The following HDGF variants were observed in gnomAD, a reference collection of about 807,000 sequenced individuals.
HDGF encodes the protein heparin binding growth factor.
HDGF carries 5 observed loss-of-function variants against 30.0 expected under a neutral mutation model. The ratio of observed to expected loss-of-function variants is 0.17; its 90% CI spans 0.09 to 0.35. The LOEUF is 0.35. HDGF is among the 10% of genes least tolerant of loss of function. The pLI, the probability that HDGF is intolerant of heterozygous loss-of-function variation, is 1.00. For missense variants in HDGF, 214 were observed against 302.8 expected (o/e 0.71, Z 2.18); for synonymous variants, 133 against 112.7 (o/e 1.18, Z -1.14).
chr1:156,745,467 CAG>C (rs1309031474), intron 1 of HDGF, 94 bp from the exon 2 acceptor site: 40 of 1,061,470 alleles, frequency 3.8e-5, no homozygotes, highest in Non-Finnish European at 5.4e-5. Context: ...TATATAAAAT[CAG>C]ACTGAGAGGG....
At position 156,743,735 on chromosome 1, in the gene HDGF, G is replaced by C. The variant is rs140433635; in HGVS notation, c.633C>G (p.Pro211=). Residue 211 remains proline (P), a synonymous_variant, in exon 5 of 6, where the codon CCC becomes CCG. Coordinates refer to ENST00000357325, the MANE Select transcript of HDGF (RefSeq NM_004494.3). Reference sequence around the variant, plus strand: ...CATCCTCCTCCTCTTCTTCCTCTTGGGGAGGCCCCCGGCCAGAGCCGGGCT... The same window carrying C: ...CATCCTCCTCCTCTTCTTCCTCTTGCGGAGGCCCCCGGCCAGAGCCGGGCT... ...PSEPGSGRGP[P]QEEEEEEDEE... is the part of the protein sequence containing the mutation. 6 of 1,602,172 alleles carry C rather than the reference G, an allele frequency of 3.7e-6. No individual in the cohort carries two copies. Among genetic ancestry groups the C allele is most frequent in the Non-Finnish European group, 5.1e-6 (6 of 1,174,560 alleles).
At chr1:156,751,980 T>A, upstream of HDGF, 1 of 1,489,264 alleles carries the variant, frequency 6.7e-7, no homozygotes, top group Non-Finnish European at 9.1e-7. The surrounding 1 kb of genome is among the most constrained non-coding windows in gnomAD (Gnocchi z 4.7). Flanking sequence ...CGGGAGGAGC[T>A]GGCGCCCGGC....
At chr1:156,751,865 A>T, upstream of HDGF, 2 of 953,092 alleles carry the variant, frequency 2.1e-6, no homozygotes, top group Non-Finnish European at 2.9e-6. The surrounding 1 kb of genome is among the most constrained non-coding windows in gnomAD (Gnocchi z 4.7). Flanking sequence ...CCAACGCCCA[A>T]CCCGGAGCCG....
chr1:156,765,733 A>G (rs760301944), intron 1 of HDGF, among the ~76,000 whole-genome samples: 7 of 151,888 alleles, frequency 4.6e-5, no homozygotes, highest in Admixed American at 4.6e-4. Flanking sequence ...TCTGCCTCTC[A>G]AAGTGCTGGG....
At chr1:156,766,526 C>T (rs1651382220) in intron 1 of HDGF, among the ~76,000 whole-genome samples, 1 of 152,066 alleles carries the variant, frequency 6.6e-6, no homozygotes, top group Non-Finnish European at 1.5e-5. Flanking sequence ...AGGACTGGCG[C>T]ACAGCAGATC....
intron 1 of HDGF, among the ~76,000 whole-genome samples, chr1:156,748,498 G>C (rs1345093139): frequency 6.6e-6 from 1 of 152,152 alleles, no homozygotes; most frequent in East Asian, 1.9e-4. Context: ...AGCAATAGGG[G>C]AACTCGGCTA....
At chr1:156,748,925 G>GTCC (rs1375442295) in intron 1 of HDGF, among the ~76,000 whole-genome samples, 1 of 152,252 alleles carries the variant, frequency 6.6e-6, no homozygotes, top group Non-Finnish European at 1.5e-5. Context: ...GACGGGTGAG[G>GTCC]TCCTGGCTGC....
upstream of HDGF, among the ~76,000 whole-genome samples, chr1:156,755,935 T>C (rs1475108401): frequency 6.6e-6 from 1 of 152,190 alleles, no homozygotes; most frequent in Non-Finnish European, 1.5e-5. Flanking sequence ...GTTGTGATTA[T>C]GATTGAATGA....
At chr1:156,751,983 C>A (rs1272348601), upstream of HDGF, 8 of 1,501,742 alleles carry the variant, frequency 5.3e-6, no homozygotes, top group African/African-American at 4.2e-5. This position sits in a 1 kb window ranked among gnomAD's most constrained non-coding sequence, Gnocchi z 4.7. Flanking sequence ...GAGGAGCTGG[C>A]GCCCGGCTGG....
At chr1:156,754,202 C>T (rs1265695298), upstream of HDGF, among the ~76,000 whole-genome samples, 1 of 152,258 alleles carries the variant, frequency 6.6e-6, no homozygotes, top group Non-Finnish European at 1.5e-5. Flanking sequence ...GCGTGAGCAA[C>T]CGCGCCCGGC....
At chr1:156,756,331 C>T (rs1050859069), upstream of HDGF, among the ~76,000 whole-genome samples, 1 of 152,122 alleles carries the variant, frequency 6.6e-6, no homozygotes, top group Admixed American at 6.5e-5. Context: ...TTGGTTATCA[C>T]TGTATTTATT....
Position 156,744,304 on chromosome 1 carries a change from G to C in HDGF, c.348C>G (p.Pro116=), listed in dbSNP as rs574281896. The C allele has an allele frequency of 3.1e-6, 5 of 1,613,910 alleles. No individual in the cohort carries two copies. Among genetic ancestry groups the C allele is most frequent in the Non-Finnish European group, 4.2e-6 (5 of 1,180,012 alleles). Residue 116 remains proline, a synonymous_variant, in exon 4 of 6, where the codon CCC becomes CCG. Transcript: ENST00000357325. ...TATCACCGTCACCCTCTGCAGCTTC[G>C]GGCTCTGGTTCAGGCTCTTCCACAC... The part of the protein sequence containing the change: ...KSCVEEPEPE[P]EAAEGDGDKK...
At chr1:156,757,841 A>T (rs1389216237) in intron 2 of HDGF, among the ~76,000 whole-genome samples, 1 of 152,076 alleles carries the variant, frequency 6.6e-6, no homozygotes, top group Non-Finnish European at 1.5e-5. Context: ...TTAAATATTC[A>T]GTTTCTTAGT....
upstream of HDGF, chr1:156,755,416 G>C (rs538986923): frequency 3.9e-5 from 6 of 152,384 alleles, no homozygotes; most frequent in Admixed American, 2.6e-4. Flanking sequence ...GGCATGTCAA[G>C]GGACTTGGGT....
intron 1 of HDGF, among the ~76,000 whole-genome samples, chr1:156,746,490 A>G (rs2102710740): frequency 6.6e-6 from 1 of 152,338 alleles, no homozygotes; most frequent in Middle Eastern, 3.4e-3. Flanking sequence ...AGCCCAGAAA[A>G]CAAGTGATTT....
chr1:156,754,779 A>G (rs1651127815), upstream of HDGF, among the ~76,000 whole-genome samples: 1 of 152,174 alleles, frequency 6.6e-6, no homozygotes, highest in African/African-American at 2.4e-5. Context: ...CCCCGTCTCT[A>G]CTAAAAATAC....
upstream of HDGF, chr1:156,752,232 A>AT (rs889574532): frequency 5.8e-6 from 9 of 1,551,614 alleles, no homozygotes; most frequent in Admixed American, 1.8e-4. Context: ...TGCTTACCGT[A>AT]TGGGGGGTGG....
chr1:156,748,175 G>A (rs1280320923), intron 1 of HDGF, among the ~76,000 whole-genome samples: 1 of 152,184 alleles, frequency 6.6e-6, no homozygotes, highest in Non-Finnish European at 1.5e-5. Context: ...AGGGCCAGGG[G>A]AGGTGTGCTC....
chr1:156,764,530 G>T (rs765862982), intron 1 of HDGF, among the ~76,000 whole-genome samples: 17 of 152,082 alleles, frequency 1.1e-4, no homozygotes, highest in African/African-American at 1.7e-4. Context: ...GGTATAAAAG[G>T]GTACATAATG....
Sources: allele counts gnomAD v4.1 joint callset (sites outside exome capture counted in the v4.1 genomes callset), GRCh38; gene constraint gnomAD v4.1.1; non-coding constraint Gnocchi (gnomAD v3.1); transcripts MANE v1.5; gene names NCBI Gene and HGNC (gene_info 2026-07-23, HGNC 2026-07-21).